Variants in LRMDA observed in about 807,000 individuals in gnomAD.
The protein encoded by LRMDA is leucine-rich melanocyte differentiation-associated protein.
Under a neutral mutation model 29.8 loss-of-function variants are expected in LRMDA, and 18 were observed. The ratio of observed to expected loss-of-function variants is 0.60; its 90% CI spans 0.42 to 0.90. The LOEUF (loss-of-function observed/expected upper bound fraction) is 0.90. Ranked by LOEUF, LRMDA falls within the 40% of genes least tolerant of loss-of-function variation. LRMDA has a pLI of 0.00. For synonymous variants in LRMDA, 125 were observed against 109.4 expected (o/e 1.14, Z -0.89); for missense variants, 273 against 273.9 (o/e 1.00, Z 0.02).
rs1039505182 is a variant in LRMDA at position 76,531,094 on chromosome 10, C to A, written c.602-26115C>A. Among the ~76,000 whole-genome samples, 3 of 152,266 alleles carry A rather than the reference C, an allele frequency of 2.0e-5. No homozygotes were observed. The East Asian group carries it at 5.8e-4, about 29-fold the overall frequency. On this transcript the variant is annotated intron_variant, in intron 6 of 6. Transcript: ENST00000611255. ...GTTACTGTTAGAAAGAAAATCCCCACCCCTACCCCGCCACTGTCACAGTAA... is the reference window on the plus strand; with the variant it reads ...GTTACTGTTAGAAAGAAAATCCCCAACCCTACCCCGCCACTGTCACAGTAA...
intron 2 of LRMDA, among the ~76,000 whole-genome samples, chr10:75,466,107 C>T (rs541137188): frequency 9.9e-5 from 15 of 152,276 alleles, no homozygotes; most frequent in Admixed American, 2.6e-4. Flanking sequence ...GGCTAGGGTT[C>T]GAGAGGTCAC....
rs75123364 is a variant in LRMDA, at chr10:76,158,268, C to G, written c.516+99485C>G. On this transcript the variant is annotated intron_variant, in intron 5 of 6. Transcript: ENST00000611255. Reference sequence around the variant, plus strand: ...TATTCTCTTTTCCTTTTCCTACCCCCTTTGCCTCCTTCTTCCTGGTAACCT... The same window carrying G: ...TATTCTCTTTTCCTTTTCCTACCCCGTTTGCCTCCTTCTTCCTGGTAACCT... Among the ~76,000 whole-genome samples the G allele has an allele frequency of 1.1e-4, 16 of 152,262 alleles. No homozygotes were observed. The East Asian group carries it at 2.3e-3, about 22-fold the overall frequency.
At chr10:75,591,373 G>A (rs1297084556) in intron 2 of LRMDA, among the ~76,000 whole-genome samples, 4 of 152,200 alleles carry the variant, frequency 2.6e-5, no homozygotes, top group Non-Finnish European at 5.9e-5. Context: ...GATGGGGCAA[G>A]GCTTTGTATC....
chr10:76,298,060 C>G (rs546469530), intron 5 of LRMDA, among the ~76,000 whole-genome samples: 1 of 152,358 alleles, frequency 6.6e-6, no homozygotes, highest in Admixed American at 6.5e-5. Flanking sequence ...CAGCTGCGTG[C>G]GAGCTGCTGG....
intron 2 of LRMDA, among the ~76,000 whole-genome samples, chr10:75,983,575 C>A (rs893363914): frequency 1.3e-5 from 2 of 152,154 alleles, no homozygotes; most frequent in African/African-American, 2.4e-5. Flanking sequence ...TATACATTTT[C>A]AAATATAATA....
chr10:75,605,835 G>A (rs186191599), intron 2 of LRMDA, among the ~76,000 whole-genome samples: 35 of 152,210 alleles, frequency 2.3e-4, no homozygotes, highest in African/African-American at 8.4e-4. Context: ...CTCTCTTGCC[G>A]TCTCACCTCC....
intron 5 of LRMDA, among the ~76,000 whole-genome samples, chr10:76,153,020 T>C (rs1269035865): frequency 6.6e-6 from 1 of 152,118 alleles, no homozygotes; most frequent in Non-Finnish European, 1.5e-5. Flanking sequence ...TTTGTATTTT[T>C]AGTAGAGACG....
intron 5 of LRMDA, among the ~76,000 whole-genome samples, chr10:76,220,918 C>A (rs1851820851): frequency 6.6e-6 from 1 of 151,976 alleles, no homozygotes; most frequent in Admixed American, 6.6e-5. Flanking sequence ...AGAAGCTTAT[C>A]CACCATGATC....
At chr10:76,264,015 C>T (rs1196550203) in intron 5 of LRMDA, among the ~76,000 whole-genome samples, 5 of 152,164 alleles carry the variant, frequency 3.3e-5, no homozygotes, top group Non-Finnish European at 5.9e-5. Flanking sequence ...GGGTTCCATT[C>T]ACTCTAAGGG....
At chr10:76,036,322 A>C (rs769139839) in intron 3 of LRMDA, among the ~76,000 whole-genome samples, 188 bp downstream of exon 3, 1 of 152,250 alleles carries the variant, frequency 6.6e-6, no homozygotes, top group Non-Finnish European at 1.5e-5. Context: ...ACTTCAGAGT[A>C]ATTTATTATA....
At chr10:76,294,391 G>A (rs1840387550) in intron 5 of LRMDA, among the ~76,000 whole-genome samples, 1 of 152,038 alleles carries the variant, frequency 6.6e-6, no homozygotes, top group Non-Finnish European at 1.5e-5. Flanking sequence ...CCTTTATACT[G>A]GTGAAGTCAT....
At chr10:76,039,465 A>AT (rs1292434358) in intron 3 of LRMDA, among the ~76,000 whole-genome samples, 2 of 152,218 alleles carry the variant, frequency 1.3e-5, no homozygotes, top group Non-Finnish European at 2.9e-5. Context: ...ATTTTGGCAT[A>AT]TGTAAAATGG....
chr10:76,205,410 TC>T (rs1466449859), intron 5 of LRMDA, among the ~76,000 whole-genome samples: 9 of 152,172 alleles, frequency 5.9e-5, no homozygotes, highest in African/African-American at 2.2e-4. Context: ...AAGTAAAGTT[TC>T]CCAGACTTTA....
chr10:75,908,216 T>G (rs1379524127), intron 2 of LRMDA, among the ~76,000 whole-genome samples: 1 of 151,898 alleles, frequency 6.6e-6, no homozygotes, highest in Admixed American at 6.6e-5. Context: ...GCAGAGAAGT[T>G]TTTTGATTTG....
At chr10:76,156,158 G>A (rs1052627232) in intron 5 of LRMDA, among the ~76,000 whole-genome samples, 7 of 152,088 alleles carry the variant, frequency 4.6e-5, no homozygotes, top group African/African-American at 1.7e-4. Context: ...TGGAAGTGTC[G>A]GTGTTATTGT....
chr10:76,197,400 A>G (rs1389742083), intron 5 of LRMDA, among the ~76,000 whole-genome samples: 1 of 152,160 alleles, frequency 6.6e-6, no homozygotes, highest in Non-Finnish European at 1.5e-5. Flanking sequence ...CAGTCATGCC[A>G]TTGAATTGAT....
Position 76,324,401 on chromosome 10 carries a change from G to C in LRMDA, c.517G>C (p.Ala173Pro). 2 of 1,614,086 alleles carry C rather than the reference G, an allele frequency of 1.2e-6. No homozygotes were observed. Among genetic ancestry groups the C allele is most frequent in the Non-Finnish European group, 1.7e-6 (2 of 1,179,990 alleles). The change falls in exon 6 of 7, where the codon GCT becomes CCT. Residue 173 changes from alanine to proline, a missense_variant and splice_region_variant. Transcript: ENST00000611255. ...GVFMKVVKPKASSEDVASSPE... is the reference protein window; with the variant it reads ...GVFMKVVKPKPSSEDVASSPE... ...TGTTGACTTTGCTTTTGTCACACAGGCTTCTAGTGAGGACGTTGCCAGCTC... is the reference window on the plus strand; with the variant it reads ...TGTTGACTTTGCTTTTGTCACACAGCCTTCTAGTGAGGACGTTGCCAGCTC...
At position 76,247,202 on chromosome 10, in the gene LRMDA, A is replaced by C. The variant is rs549594053; in HGVS notation, c.517-77199A>C. ...AAGTGACTTAAATAGATGACTGTTT[A>C]TGGGGTTAAAATACAAAACTACATT... On this transcript the variant is annotated intron_variant, in intron 5 of 6. Transcript: ENST00000611255. Among the ~76,000 whole-genome samples the C allele has an allele frequency of 6.8e-4, 104 of 152,318 alleles. 1 individual carries two copies. The highest frequency in any genetic ancestry group is 6.6e-4 in the Non-Finnish European group (45 of 68,024).
chr10:75,601,544 T>C (rs1202028006), intron 2 of LRMDA, among the ~76,000 whole-genome samples: 1 of 152,060 alleles, frequency 6.6e-6, no homozygotes. Context: ...TTGTTTTTTC[T>C]GGGTGGAAAC....
Sources: allele counts gnomAD v4.1 joint callset (sites outside exome capture counted in the v4.1 genomes callset), GRCh38; gene constraint gnomAD v4.1.1; transcripts MANE v1.5; gene names NCBI Gene and HGNC (gene_info 2026-07-23, HGNC 2026-07-21).